The following CSMD1 variants were observed in gnomAD, a reference collection of about 807,000 sequenced individuals.
CSMD1 encodes the protein CUB and sushi domain-containing protein 1.
CSMD1 carries 213 observed loss-of-function variants against 417.5 expected under a neutral mutation model. The ratio of observed to expected loss-of-function variants is 0.51; its 90% CI spans 0.46 to 0.57. The LOEUF is 0.57. Ranked by LOEUF, CSMD1 falls within the 20% of genes least tolerant of loss-of-function variation. The pLI, the probability that CSMD1 is intolerant of heterozygous loss-of-function variation, is 0.00. For missense variants in CSMD1, 6,923 were observed against 4,529.7 expected (o/e 1.53, Z -15.17); for synonymous variants, 2,862 against 1,736.8 (o/e 1.65, Z -16.11).
intron 5 of CSMD1, among the ~76,000 whole-genome samples, chr8:3,785,276 C>T (rs571117634): frequency 6.6e-6 from 1 of 152,312 alleles, no homozygotes; most frequent in East Asian, 1.9e-4. Context: ...GCAAGCACGA[C>T]AGAAGCATTT....
intron 5 of CSMD1, among the ~76,000 whole-genome samples, chr8:3,834,667 T>C (rs186132931): frequency 6.6e-6 from 1 of 152,274 alleles, no homozygotes; most frequent in Non-Finnish European, 1.5e-5. Context: ...GATGGTGGTT[T>C]AGGGATCCAC....
At chr8:3,224,970 C>A (rs1798411137) in intron 27 of CSMD1, among the ~76,000 whole-genome samples, 3 of 152,194 alleles carry the variant, frequency 2.0e-5, no homozygotes, top group African/African-American at 4.8e-5. Flanking sequence ...AGCGTGACTA[C>A]AATTAAATCA....
intron 7 of CSMD1, among the ~76,000 whole-genome samples, chr8:3,639,300 T>C (rs1797192761): frequency 6.6e-6 from 1 of 152,300 alleles, no homozygotes; most frequent in African/African-American, 2.4e-5. Context: ...ATTACTATTT[T>C]TGCTTGGGGT....
At chr8:3,714,896 C>T (rs1490086558) in intron 6 of CSMD1, among the ~76,000 whole-genome samples, 1 of 152,096 alleles carries the variant, frequency 6.6e-6, no homozygotes, top group East Asian at 1.9e-4. Flanking sequence ...GAACACAACA[C>T]ACCTGGAGAA....
chr8:3,300,594 A>C (rs1348419536), intron 25 of CSMD1, among the ~76,000 whole-genome samples: 1 of 152,164 alleles, frequency 6.6e-6, no homozygotes, highest in East Asian at 1.9e-4. Flanking sequence ...ATTTATTCTA[A>C]GGAATTATAT....
chr8:3,480,572 T>C (rs1022955645), intron 11 of CSMD1, among the ~76,000 whole-genome samples: 2 of 152,116 alleles, frequency 1.3e-5, no homozygotes, highest in African/African-American at 2.4e-5. Context: ...CGTGAATTTA[T>C]AGACCCAAAA....
At chr8:4,827,371 G>A (rs374988143) in intron 1 of CSMD1, among the ~76,000 whole-genome samples, 55 of 152,232 alleles carry the variant, frequency 3.6e-4, no homozygotes, top group African/African-American at 1.2e-3. Flanking sequence ...AAGCCCAGCG[G>A]CTGCTCGAGT....
chr8:4,843,646 A>T (rs76657879), intron 1 of CSMD1, among the ~76,000 whole-genome samples: 1,524 of 152,244 alleles, frequency 0.01, 10 homozygotes, highest in Non-Finnish European at 0.015. Flanking sequence ...CTCTGCCTGA[A>T]TCTTATTAAA....
chr8:4,282,641 T>G (rs780384920), intron 3 of CSMD1, among the ~76,000 whole-genome samples: 3 of 152,216 alleles, frequency 2.0e-5, no homozygotes, highest in Non-Finnish European at 2.9e-5. Context: ...TGCATTCACC[T>G]TTTCAGTTTT....
chr8:4,445,245 TTC>T (rs1263674387), intron 2 of CSMD1, among the ~76,000 whole-genome samples: 1 of 152,206 alleles, frequency 6.6e-6, no homozygotes, highest in Admixed American at 6.5e-5. Flanking sequence ...TTTTCTCTTG[TTC>T]TCTTTCTAGC....
intron 3 of CSMD1, among the ~76,000 whole-genome samples, chr8:4,385,074 C>G (rs1389065247): frequency 6.6e-6 from 1 of 152,128 alleles, no homozygotes. Context: ...TTACAGGTGC[C>G]TTCCAGCACA....
chr8:3,718,699 T>C (rs890258562), intron 6 of CSMD1, among the ~76,000 whole-genome samples: 2 of 152,168 alleles, frequency 1.3e-5, no homozygotes, highest in African/African-American at 2.4e-5. Flanking sequence ...TCTTTACTAA[T>C]GTAAAGGGTA....
At chr8:3,702,905 C>A (rs373735753) in intron 7 of CSMD1, among the ~76,000 whole-genome samples, 1 of 152,142 alleles carries the variant, frequency 6.6e-6, no homozygotes, top group African/African-American at 2.4e-5. Context: ...GAATAAAGAG[C>A]AGTTCACCAT....
At chr8:3,632,033 C>G (rs1796807509) in intron 7 of CSMD1, among the ~76,000 whole-genome samples, 1 of 152,202 alleles carries the variant, frequency 6.6e-6, no homozygotes, top group South Asian at 2.1e-4. Flanking sequence ...ATCATTCAAT[C>G]AGCATTATTT....
intron 1 of CSMD1, among the ~76,000 whole-genome samples, chr8:4,784,441 A>T (rs1264252629): frequency 1.3e-5 from 2 of 152,214 alleles, no homozygotes; most frequent in African/African-American, 2.4e-5. Context: ...AAAATTTTGA[A>T]CCCGTGATTA....
chr8:4,725,269 T>C (rs1483597105), intron 1 of CSMD1, among the ~76,000 whole-genome samples: 4 of 152,328 alleles, frequency 2.6e-5, no homozygotes, highest in Admixed American at 6.5e-5. Context: ...CATTGGTACA[T>C]GAATGACCAA....
chr8:3,229,980 T>G (rs774475035), intron 27 of CSMD1, 60 bp downstream of exon 27: 18 of 1,248,222 alleles, frequency 1.4e-5, no homozygotes, highest in Non-Finnish European at 2.0e-5. Context: ...ACGGAGCGCT[T>G]TTAACGACAA....
chr8:3,817,252 C>CTTTTTTTT lies in CSMD1; in HGVS notation c.819-63218_819-63211dup, dbSNP rs767668610. ...TCCAAAGTGGTCATATCTTCTTCTT[C>CTTTTTTTT]TTTTTTTTTTTTTTTTTTTTTTTTT... On this transcript the variant is annotated intron_variant, in intron 5 of 69. Coordinates refer to ENST00000635120, the MANE Select transcript of CSMD1 (RefSeq NM_033225.6). Among the ~76,000 whole-genome samples, 50 of 54,422 alleles carry CTTTTTTTT rather than the reference C, an allele frequency of 9.2e-4. 10 individuals are homozygous for CTTTTTTTT. Among genetic ancestry groups the CTTTTTTTT allele is most frequent in the Admixed American group, 9.3e-4 (3 of 3,238 alleles). 35.7% of individuals were successfully genotyped at this position (54,422 alleles called of 152,430 possible). A position where few individuals can be genotyped will look rare whatever the true frequency, so the allele number is the denominator to read the frequency against.
rs1393742482 is a variant in CSMD1, at chr8:4,851,890, G to C, written c.85+142442C>G. On this transcript the variant is annotated intron_variant, in intron 1 of 69. Coordinates refer to ENST00000635120, the MANE Select transcript of CSMD1 (RefSeq NM_033225.6). ...CAGAATATTTCTCACACCCCATAGAGAAAATTTATACTCATTTGCTATCAC... is the reference window on the plus strand; with the variant it reads ...CAGAATATTTCTCACACCCCATAGACAAAATTTATACTCATTTGCTATCAC... Among the ~76,000 whole-genome samples the C allele has an allele frequency of 2.0e-5, 3 of 152,156 alleles. No homozygotes were observed. The East Asian group carries it at 5.8e-4, about 29-fold the overall frequency.
Sources: allele counts gnomAD v4.1 joint callset (sites outside exome capture counted in the v4.1 genomes callset), GRCh38; gene constraint gnomAD v4.1.1; transcripts MANE v1.5; gene names NCBI Gene and HGNC (gene_info 2026-07-23, HGNC 2026-07-21).